Variants in LETM1 observed in about 807,000 individuals in gnomAD.
LETM1 encodes the protein leucine zipper and EF-hand containing transmembrane protein 1.
In LETM1, 50 loss-of-function variants were observed where a neutral mutation model predicts 74.5. That is an observed-to-expected ratio of 0.67 (90% CI 0.53 to 0.85). The LOEUF is 0.85. Among genes scored for constraint, LETM1 ranks in the 40% least tolerant of loss-of-function variants. The pLI, the probability that LETM1 is intolerant of heterozygous loss-of-function variation, is 0.00. For missense variants in LETM1, 824 were observed against 967.8 expected, an observed-to-expected ratio of 0.85 and a Z score of 1.97; for synonymous variants, 446 against 407.1, an observed-to-expected ratio of 1.10 and a Z score of -1.15.
At position 1,841,715 on chromosome 4, in the gene LETM1, T is replaced by C. The variant is rs1328687471; in HGVS notation, c.226A>G (p.Arg76Gly). The C allele has an allele frequency of 1.2e-6, 2 of 1,614,150 alleles. No individual in the cohort carries two copies. Among genetic ancestry groups the C allele is most frequent in the Non-Finnish European group, 1.7e-6 (2 of 1,180,018 alleles). ...RGDHLGCWALRPECLRIVSRA... is the reference protein window; with the variant it reads ...RGDHLGCWALGPECLRIVSRA... ...GACACTATGCGAAGGCACTCGGGCCTCAGAGCCCAACAGCCGAGGTGATCG... is the reference window on the plus strand; with the variant it reads ...GACACTATGCGAAGGCACTCGGGCCCCAGAGCCCAACAGCCGAGGTGATCG... The change falls in exon 3 of 14, where the codon AGG becomes GGG. Residue 76 changes from arginine (R) to glycine (G), a missense_variant. By Grantham distance (125) the Arg-to-Gly change is moderately radical. Coordinates refer to ENST00000302787, the MANE Select transcript of LETM1 (RefSeq NM_012318.3).
At position 1,831,367 on chromosome 4, in the gene LETM1, G is replaced by A. The variant is rs999218762; in HGVS notation, c.1080+1377C>T. Among the ~76,000 whole-genome samples the A allele has an allele frequency of 3.3e-5, 5 of 152,338 alleles. No individual in the cohort carries two copies. The East Asian group carries it at 7.7e-4, about 24-fold the overall frequency. ...GCTTGCTACCGCTGGGAACGGGTGG[G>A]TGGGAGTTCTGGCTCTCACAGGTGT... On this transcript the variant is annotated intron_variant, in intron 6 of 13. Transcript: ENST00000302787.
At position 1,836,986 on chromosome 4, in the gene LETM1, G is replaced by T. The variant is rs1712481757; in HGVS notation, c.595-414C>A. ...TCTTGGAGGGTGCTCTATAAGGAGGGCTTCTCTTGTGTTTCCTAAGACTAT... is the reference window on the plus strand; with the variant it reads ...TCTTGGAGGGTGCTCTATAAGGAGGTCTTCTCTTGTGTTTCCTAAGACTAT... On this transcript the variant is annotated intron_variant, in intron 3 of 13. Transcript: ENST00000302787. The surrounding 1 kb of genome is among the most constrained non-coding windows in gnomAD (Gnocchi z 5.8). Among the ~76,000 whole-genome samples the T allele has an allele frequency of 6.6e-6, 1 of 152,174 alleles. No individual in the cohort carries two copies. Among genetic ancestry groups the T allele is most frequent in the African/African-American group, 2.4e-5 (1 of 41,448 alleles).
rs1722548124 is a variant in LETM1 at position 1,814,343 on chromosome 4, G to A, written c.*81C>T. On this transcript the variant is annotated 3_prime_UTR_variant, in exon 14 of 14. Coordinates refer to ENST00000302787, the MANE Select transcript of LETM1 (RefSeq NM_012318.3). ...GCCAAAATATTAGATGAGCCACTGA[G>A]AATCACCACAAAGCAATCGCCCTCA... 3.8e-6 allele frequency: 6 copies of A among 1,593,846 alleles called. No individual in the cohort carries two copies. The highest frequency in any genetic ancestry group is 4.3e-6 in the Non-Finnish European group (5 of 1,166,566).
At position 1,844,824 on chromosome 4, in the gene LETM1, C is replaced by T. The variant is rs548248018; in HGVS notation, c.144-3027G>A. On this transcript the variant is annotated intron_variant, in intron 2 of 13. Coordinates refer to ENST00000302787, the MANE Select transcript of LETM1 (RefSeq NM_012318.3). The stretch of plus-strand genomic sequence containing the variant: ...GCACTGCACGAGGCCAAGGCAGGAG[C>T]GCTGCTCAAGTCCAGGAGTTCGAAC... Among the ~76,000 whole-genome samples the T allele has an allele frequency of 1.6e-4, 23 of 143,272 alleles. No homozygotes were observed. In the East Asian group the frequency reaches 4.4e-3, roughly 27 times the overall value. 94.0% of individuals were successfully genotyped at this position (143,272 alleles called of 152,430 possible). A position where few individuals can be genotyped will look rare whatever the true frequency, so the allele number is the denominator to read the frequency against.
intron 10 of LETM1, among the ~76,000 whole-genome samples, chr4:1,821,610 C>T (rs1365158755): frequency 1.3e-5 from 2 of 152,154 alleles, no homozygotes; most frequent in Non-Finnish European, 2.9e-5. Context: ...GTTGCTTGAA[C>T]CTGGGAGGCT....
At position 1,822,231 on chromosome 4, in the gene LETM1, G is replaced by T; in HGVS notation, c.1558C>A (p.Leu520Met). 1 of 1,543,150 alleles carries T rather than the reference G, an allele frequency of 6.5e-7. No individual in the cohort carries two copies. The highest frequency in any genetic ancestry group is 1.2e-5 in the South Asian group (1 of 82,454). Residue 520 changes from leucine to methionine, a missense_variant, in exon 10 of 14, where the codon CTG becomes ATG. By Grantham distance (15) the Leu-to-Met change is conservative (BLOSUM62 2). Coordinates refer to ENST00000302787, the MANE Select transcript of LETM1 (RefSeq NM_012318.3). ...EPQPEMPDTV[L>M]QSETLKDTAP... ...GTGTCCTTCAAGGTCTCTGACTGCAGGACTGTGTCAGGCATTTCTGGCTGT... is the reference window on the plus strand; with the variant it reads ...GTGTCCTTCAAGGTCTCTGACTGCATGACTGTGTCAGGCATTTCTGGCTGT...
chr4:1,839,500 T>G (rs1243130259), intron 3 of LETM1, among the ~76,000 whole-genome samples: 1 of 152,140 alleles, frequency 6.6e-6, no homozygotes, highest in Non-Finnish European at 1.5e-5. Flanking sequence ...GGGAAAGAGT[T>G]GAAGCAGGAG....
At chr4:1,843,289 C>A (rs926277398) in intron 2 of LETM1, 2 of 152,930 alleles carry the variant, frequency 1.3e-5, no homozygotes, top group African/African-American at 4.8e-5. Flanking sequence ...CTCGTGATTA[C>A]CACCGCCTTG....
At chr4:1,827,993 G>A in intron 6 of LETM1, among the ~76,000 whole-genome samples, 1 of 144,600 alleles carries the variant, frequency 6.9e-6, no homozygotes. Context: ...AGCAGGGGCG[G>A]CCGGGCAGAG....
chr4:1,834,417 C>T lies in LETM1; in HGVS notation c.876+428G>A. 2.0e-6 allele frequency: 2 copies of T among 997,230 alleles called. No individual in the cohort carries two copies. The highest frequency in any genetic ancestry group is 2.4e-6 in the Non-Finnish European group (2 of 837,732). The allele number at this position is 997,230 out of a possible 1,614,324, so 61.8% of individuals were successfully genotyped here. On this transcript the variant is annotated intron_variant, in intron 5 of 13. Coordinates refer to ENST00000302787, the MANE Select transcript of LETM1 (RefSeq NM_012318.3). This position sits in a 1 kb window ranked among gnomAD's most constrained non-coding sequence, Gnocchi z 5.0. ...CTCAAGGGCCGCTCCTCCTCTCCAG[C>T]CCCCACTGCTCCCACAGTCCAGGCC... is the stretch of plus-strand genomic sequence containing the variant.
chr4:1,828,330 AC>A (rs1156921732), intron 6 of LETM1, among the ~76,000 whole-genome samples: 390 of 32,326 alleles, frequency 0.012, no homozygotes, highest in Admixed American at 0.017. Context: ...AGGGGGGCTG[AC>A]CCCCCCCACC....
chr4:1,825,552 A>G lies in LETM1; in HGVS notation c.1200+12T>C. ...CCCGTGCCGGCCTGGCACCAGGCCA[A>G]TATTCACGCACCTGCTTCAGCTGAC... On this transcript the variant is annotated intron_variant, in intron 7 of 13. Coordinates refer to ENST00000302787, the MANE Select transcript of LETM1 (RefSeq NM_012318.3). 6.2e-7 allele frequency: 1 copy of G among 1,604,604 alleles called. No individual in the cohort carries two copies. The highest frequency in any genetic ancestry group is 8.5e-7 in the Non-Finnish European group (1 of 1,172,890).
intron 1 of LETM1, 48 bp downstream of exon 1, chr4:1,855,821 G>A (rs932877664): frequency 4.5e-6 from 5 of 1,120,476 alleles, no homozygotes; most frequent in Admixed American, 8.9e-5. Context: ...CCGCGCTCCC[G>A]ACCCACCAGC....
chr4:1,829,278 T>C (rs1368657485), intron 6 of LETM1, among the ~76,000 whole-genome samples: 4 of 104,980 alleles, frequency 3.8e-5, no homozygotes, highest in Non-Finnish European at 3.8e-5. Flanking sequence ...GGCTCCTCAC[T>C]TCCCAGTAGG....
At chr4:1,840,596 G>A (rs1712653979) in intron 3 of LETM1, among the ~76,000 whole-genome samples, 1 of 151,000 alleles carries the variant, frequency 6.6e-6, no homozygotes, top group African/African-American at 2.4e-5. Context: ...GGACCCCGGG[G>A]GGCGGAGCCT....
intron 7 of LETM1, 140 bp from the exon 8 acceptor site, chr4:1,823,915 T>C (rs1205339186): frequency 2.0e-6 from 2 of 999,792 alleles, no homozygotes; most frequent in African/African-American, 1.6e-5. Flanking sequence ...GTTGCTGTGC[T>C]GCGTGACCCG....
At chr4:1,845,081 T>G (rs572169408) in intron 2 of LETM1, among the ~76,000 whole-genome samples, 6 of 151,754 alleles carry the variant, frequency 4.0e-5, no homozygotes, top group African/African-American at 1.5e-4. Context: ...TCTCAGCTAC[T>G]CGGGAGGCTG....
intron 1 of LETM1, among the ~76,000 whole-genome samples, chr4:1,850,070 C>T (rs1350030290): frequency 6.6e-6 from 1 of 152,170 alleles, no homozygotes; most frequent in African/African-American, 2.4e-5. Context: ...AGGAGAATAG[C>T]TTGAACCTGG....
At position 1,815,770 on chromosome 4, in the gene LETM1, T is replaced by C. The variant is rs750472048; in HGVS notation, c.1964A>G (p.Asn655Ser). 3 of 1,614,074 alleles carry C rather than the reference T, an allele frequency of 1.9e-6. No homozygotes were observed. The highest frequency in any genetic ancestry group is 1.1e-5 in the South Asian group (1 of 91,092). Residue 655 changes from asparagine (N) to serine (S), a missense_variant, in exon 13 of 14, where the codon AAC (asparagine) becomes AGC (serine). Physicochemically the swap from Asn to Ser is conservative, Grantham distance 46. Around this residue, in one of 4 missense-constraint regions of LETM1, gnomAD observed 161 missense variants for 252.7 expected, o/e 0.64. Coordinates refer to ENST00000302787, the MANE Select transcript of LETM1 (RefSeq NM_012318.3). The stretch of plus-strand genomic sequence containing the variant: ...AATGTGCTTGACTTGCTTCATGGCG[T>C]TGATGAGCTCAGCGACACTGATGAC... ...ENVISVAELI[N>S]AMKQVKHIPE... is the part of the protein sequence containing the mutation.
Sources: allele counts gnomAD v4.1 joint callset (sites outside exome capture counted in the v4.1 genomes callset), GRCh38; gene constraint gnomAD v4.1.1; regional missense constraint gnomAD v4.1.1; non-coding constraint Gnocchi (gnomAD v3.1); transcripts MANE v1.5; gene names NCBI Gene and HGNC (gene_info 2026-07-23, HGNC 2026-07-21).